The following POGLUT2 variants were observed in gnomAD, a reference collection of about 807,000 sequenced individuals.
POGLUT2 encodes ER protein 58.
Under a neutral mutation model 57.6 loss-of-function variants are expected in POGLUT2, and 47 were observed. The observed-to-expected ratio is 0.82, with a 90% CI of 0.65 to 1.04. The LOEUF (loss-of-function observed/expected upper bound fraction) is 1.04, where lower values mean the gene tolerates loss of function less well. Among genes scored for constraint, POGLUT2 ranks in the 50% least tolerant of loss-of-function variants. POGLUT2 has a pLI of 0.00. For missense variants in POGLUT2, 565 were observed against 614.8 expected, an observed-to-expected ratio of 0.92 and a Z score of 0.86; for synonymous variants, 200 against 218.8, an observed-to-expected ratio of 0.91 and a Z score of 0.76.
intron 1 of POGLUT2, 88 bp downstream of exon 1, chr13:102,798,401 G>C: frequency 1.6e-6 from 2 of 1,265,822 alleles, no homozygotes; most frequent in Non-Finnish European, 2.2e-6. Context: ...CTGCTGTGGA[G>C]AAACGAGTTC....
chr13:102,788,040 TGG>T (rs1371697103), intron 7 of POGLUT2, 117 bp from the exon 8 acceptor site: 6 of 567,650 alleles, frequency 1.1e-5, no homozygotes, highest in Non-Finnish European at 1.9e-5. Context: ...ATAATATCTT[TGG>T]GGGTAGTCTC....
At chr13:102,796,307 A>AT (rs61241514) in intron 2 of POGLUT2, among the ~76,000 whole-genome samples, 6,971 of 146,670 alleles carry the variant, frequency 0.048, 308 homozygotes, top group East Asian at 0.13. Flanking sequence ...AAAAAAAAAA[A>AT]AAAAATAAAT....
chr13:102,789,784 G>C (rs1878098410), intron 6 of POGLUT2, among the ~76,000 whole-genome samples: 1 of 152,166 alleles, frequency 6.6e-6, no homozygotes, highest in Non-Finnish European at 1.5e-5. Context: ...TTTTAGTAGA[G>C]ATGCGGTTTC....
chr13:102,798,742 C>A lies in POGLUT2; in HGVS notation c.-72G>T. ...TAAGAGGTGGACAGAAGCAGCCGAGCCTTCGGCAGGGACCCGCCGGCCGAT... is the reference window on the plus strand; with the variant it reads ...TAAGAGGTGGACAGAAGCAGCCGAGACTTCGGCAGGGACCCGCCGGCCGAT... On this transcript the variant is annotated 5_prime_UTR_variant, in exon 1 of 10. Coordinates refer to ENST00000376004, the MANE Select transcript of POGLUT2 (RefSeq NM_024089.3). 2.8e-6 allele frequency: 4 copies of A among 1,413,726 alleles called. No homozygotes were observed. The highest frequency in any genetic ancestry group is 1.5e-5 in the South Asian group (1 of 67,616). The allele number at this position is 1,413,726 out of a possible 1,614,324, so 87.6% of individuals were successfully genotyped here.
At chr13:102,790,849 T>G (rs560827276) in intron 6 of POGLUT2, 52 bp downstream of exon 6, 138 of 1,215,500 alleles carry the variant, frequency 1.1e-4, no homozygotes, top group Admixed American at 2.6e-4. Flanking sequence ...CAAAGCACTA[T>G]GTACAAATAC....
At position 102,789,342 on chromosome 13, in the gene POGLUT2, G is replaced by A. The variant is rs147162241; in HGVS notation, c.1084-121C>T. On this transcript the variant is annotated intron_variant, in intron 6 of 9. Transcript: ENST00000376004. ...CAGACACAATTTGGTCAGCTTCCAC[G>A]CTCTGCCTTTGCCGTTTAGTAAGTG... 140 of 759,508 alleles carry A rather than the reference G, an allele frequency of 1.8e-4. No homozygotes were observed. In the East Asian group the frequency reaches 3.4e-3, roughly 19 times the overall value. The allele number at this position is 759,508 out of a possible 1,614,324, so 47.0% of individuals were successfully genotyped here.
intron 1 of POGLUT2, 32 bp from the exon 2 acceptor site, chr13:102,797,041 A>G: frequency 6.7e-7 from 1 of 1,487,022 alleles, no homozygotes; most frequent in African/African-American, 1.4e-5. Context: ...GGAGATAAAC[A>G]GATTTTAACG....
chr13:102,793,289 TA>T, intron 4 of POGLUT2, 51 bp downstream of exon 4: 1 of 997,312 alleles, frequency 1.0e-6, no homozygotes, highest in Non-Finnish European at 1.6e-6. Context: ...AATTATCCTG[TA>T]AAATCTGGGC....
At chr13:102,793,455 A>G in intron 3 of POGLUT2, 37 bp from the exon 4 acceptor site, 1 of 1,365,106 alleles carries the variant, frequency 7.3e-7, no homozygotes, top group Non-Finnish European at 1.0e-6. Flanking sequence ...GTTAGTCTAA[A>G]GACGCTGGCA....
At chr13:102,797,352 T>C (rs551256647) in intron 1 of POGLUT2, among the ~76,000 whole-genome samples, 1 of 152,324 alleles carries the variant, frequency 6.6e-6, no homozygotes, top group African/African-American at 2.4e-5. Context: ...ATCTGGATAT[T>C]TGTGATCAAA....
At chr13:102,789,457 C>T (rs748712310) in intron 6 of POGLUT2, among the ~76,000 whole-genome samples, 77 of 152,128 alleles carry the variant, frequency 5.1e-4, no homozygotes, top group African/African-American at 1.6e-3. Context: ...GTTGAAGCAG[C>T]GAATACAATC....
chr13:102,790,418 C>T (rs1490270921), intron 6 of POGLUT2, among the ~76,000 whole-genome samples: 1 of 152,164 alleles, frequency 6.6e-6, no homozygotes, highest in Non-Finnish European at 1.5e-5. Context: ...TCCCCAGGAA[C>T]CATGCGGAAT....
chr13:102,798,903 G>A lies in POGLUT2; in HGVS notation c.-233C>T. On this transcript the variant is annotated 5_prime_UTR_variant, in exon 1 of 10. Transcript: ENST00000376004. Reference sequence around the variant, plus strand: ...GGTCCCCTGGCGTTCTGCTGTCCCGGCCGAGAACCGCGCTGCTCCTCTCTC... The same window carrying A: ...GGTCCCCTGGCGTTCTGCTGTCCCGACCGAGAACCGCGCTGCTCCTCTCTC... 2.1e-6 allele frequency: 1 copy of A among 474,524 alleles called. No individual in the cohort carries two copies. The highest frequency in any genetic ancestry group is 3.9e-5 in the South Asian group (1 of 25,554). The allele number at this position is 474,524 out of a possible 1,614,324, so 29.4% of individuals were successfully genotyped here. A position where few individuals can be genotyped will look rare whatever the true frequency, so the allele number is the denominator to read the frequency against.
At chr13:102,794,720 G>A (rs1878307758) in intron 2 of POGLUT2, among the ~76,000 whole-genome samples, 1 of 152,110 alleles carries the variant, frequency 6.6e-6, no homozygotes, top group Non-Finnish European at 1.5e-5. Flanking sequence ...TAATATTACA[G>A]CTCATTATTC....
chr13:102,785,351 G>A lies in POGLUT2; in HGVS notation c.1492-839C>T, dbSNP rs117358576. On this transcript the variant is annotated intron_variant, in intron 9 of 9. Transcript: ENST00000376004. The stretch of plus-strand genomic sequence containing the variant: ...TCCTTGAGAGGTAGACATAATAATT[G>A]CCAAATCTGCCTTCTTGTCTTTGGT... Among the ~76,000 whole-genome samples the A allele has an allele frequency of 2.0e-4, 31 of 151,986 alleles. No homozygotes were observed. In the East Asian group the frequency reaches 5.8e-3, roughly 28 times the overall value.
intron 2 of POGLUT2, among the ~76,000 whole-genome samples, chr13:102,795,380 T>C (rs1878337647): frequency 6.6e-6 from 1 of 150,864 alleles, no homozygotes; most frequent in Non-Finnish European, 1.5e-5. Context: ...CTGAGCAACA[T>C]GGCAAAACCC....
rs1377314572 is a variant in POGLUT2 at position 102,798,538 on chromosome 13, G to A, written c.133C>T (p.Leu45Phe). The A allele has an allele frequency of 6.2e-7, 1 of 1,612,604 alleles. No homozygotes were observed. The highest frequency in any genetic ancestry group is 8.5e-7 in the Non-Finnish European group (1 of 1,179,292). The change falls in exon 1 of 10, where the codon CTT (leucine) becomes TTT (phenylalanine). Residue 45 changes from leucine to phenylalanine, a missense_variant. Physicochemically the swap from Leu to Phe is conservative, Grantham distance 22. Transcript: ENST00000376004. Reference protein sequence around the residue: ...WGPGLKADVVLPARYFYIQAV... With the variant: ...WGPGLKADVVFPARYFYIQAV... Reference sequence around the variant, plus strand: ...TGAATATAGAAATAGCGGGCGGGAAGGACGACGTCTGCTTTTAGCCCGGGT... The same window carrying A: ...TGAATATAGAAATAGCGGGCGGGAAAGACGACGTCTGCTTTTAGCCCGGGT...
At position 102,791,094 on chromosome 13, in the gene POGLUT2, G is replaced by C. The variant is rs962820166; in HGVS notation, c.890C>G (p.Pro297Arg). 1.2e-6 allele frequency: 2 copies of C among 1,614,034 alleles called. No individual in the cohort carries two copies. Among genetic ancestry groups the C allele is most frequent in the African/African-American group, 2.7e-5 (2 of 74,914 alleles). ...GGCAGTGGAATTTTTGCTTTCCCAG[G>C]GAGGACCCGTGTTAGCTTGCACGGA... ...MMSVQANTGP[P>R]WESKNSTAVW... Residue 297 changes from proline (P) to arginine (R), a missense_variant, in exon 6 of 10, where the codon CCC becomes CGC. Transcript: ENST00000376004.
At position 102,793,810 on chromosome 13, in the gene POGLUT2, TTTAC is replaced by T; in HGVS notation, c.389-8_389-5del. On this transcript the variant is annotated splice_region_variant and splice_polypyrimidine_tract_variant and intron_variant, in intron 2 of 9. Coordinates refer to ENST00000376004, the MANE Select transcript of POGLUT2 (RefSeq NM_024089.3). ...CAGTTCTCATGGTAAACCGGCCCTA[TTTAC>T]ATAAGAATAACAAAGTACAACAGTG... 1 of 1,612,764 alleles carries T rather than the reference TTTAC, an allele frequency of 6.2e-7. No individual in the cohort carries two copies. Among genetic ancestry groups the T allele is most frequent in the Non-Finnish European group, 8.5e-7 (1 of 1,178,734 alleles).
Sources: gnomAD v4.1 joint callset for allele counts (sites outside exome capture counted in the v4.1 genomes callset) on GRCh38, gnomAD v4.1.1 for gene constraint, MANE v1.5 for transcripts, NCBI Gene and HGNC (gene_info 2026-07-23, HGNC 2026-07-21) for gene names.